The following UGT1A10 variants were observed in gnomAD, a reference collection of about 807,000 sequenced individuals.
UGT1A10 encodes the protein UDP-glucuronosyltransferase 1A10.
A neutral mutation model predicts 45.8 loss-of-function variants in UGT1A10; 49 were observed. The observed-to-expected ratio is 1.07, with a 90% CI of 0.85 to 1.36. The LOEUF is 1.36. Ranked by LOEUF, UGT1A10 falls within the 40% of genes most tolerant of loss-of-function variation. UGT1A10 has a pLI of 0.00. For missense variants in UGT1A10, 745 were observed against 668.6 expected, an observed-to-expected ratio of 1.11 and a Z score of -1.26; for synonymous variants, 284 against 249.7, an observed-to-expected ratio of 1.14 and a Z score of -1.29.
intron 1 of UGT1A10, among the ~76,000 whole-genome samples, chr2:233,740,264 G>A (rs540642726): frequency 1.3e-5 from 2 of 151,992 alleles, no homozygotes; most frequent in Admixed American, 6.5e-5. Flanking sequence ...GATTGGTGGT[G>A]ATTGAAGTTA....
intron 1 of UGT1A10, chr2:233,743,248 A>G (rs1692247141): frequency 2.3e-6 from 1 of 432,126 alleles, no homozygotes; most frequent in Non-Finnish European, 4.4e-6. Flanking sequence ...ACTTTAACTC[A>G]ACTCTCCATC....
intron 1 of UGT1A10, among the ~76,000 whole-genome samples, chr2:233,738,445 C>T (rs1322346055): frequency 2.6e-5 from 4 of 152,306 alleles, no homozygotes; most frequent in Non-Finnish European, 5.9e-5. Context: ...GCTCAGAAGA[C>T]AGGAAGATGT....
In UGT1A10 at chr2:233,769,631, G is replaced by A. The variant is rs1359038576; in HGVS notation, c.1295+1192G>A. 4 of 1,611,522 alleles carry A rather than the reference G, an allele frequency of 2.5e-6. No individual in the cohort carries two copies. Among genetic ancestry groups the A allele is most frequent in the African/African-American group, 1.3e-5 (1 of 74,932 alleles). ...ACACCAGCTTGAGCAAGGGACAACA[G>A]GGGAGGACTGATGACTGACTTCCCA... is the stretch of plus-strand genomic sequence containing the variant. On this transcript the variant is annotated intron_variant, in intron 4 of 4. Transcript: ENST00000344644. The surrounding 1 kb of genome is among the most constrained non-coding windows in gnomAD (Gnocchi z 4.4).
At chr2:233,697,382 C>T (rs576473887) in intron 1 of UGT1A10, among the ~76,000 whole-genome samples, 21 of 152,142 alleles carry the variant, frequency 1.4e-4, no homozygotes, top group African/African-American at 4.1e-4. Context: ...TCACAATAAT[C>T]GCTAATGATC....
In UGT1A10 at chr2:233,747,664, T is replaced by G. The variant is rs942017762; in HGVS notation, c.856-19370T>G. ...GCTACTTCCTTCGATGTGGTTTTAA[T>G]AGACCCAATTTACCTCTGTGGGGCA... On this transcript the variant is annotated intron_variant, in intron 1 of 4. Coordinates refer to ENST00000344644, the MANE Select transcript of UGT1A10 (RefSeq NM_019075.4). The G allele has an allele frequency of 5.0e-6, 8 of 1,600,932 alleles. No individual in the cohort carries two copies. The African/African-American group carries it at 1.1e-4, about 22-fold the overall frequency.
At chr2:233,710,721 A>T (rs1037353062) in intron 1 of UGT1A10, among the ~76,000 whole-genome samples, 4 of 152,174 alleles carry the variant, frequency 2.6e-5, no homozygotes, top group African/African-American at 9.7e-5. Flanking sequence ...TCATTTTTTA[A>T]AAAACAACGT....
intron 1 of UGT1A10, chr2:233,648,110 C>G: frequency 6.8e-7 from 1 of 1,460,680 alleles, no homozygotes; most frequent in Non-Finnish European, 9.2e-7. Context: ...GAGTTCATGG[C>G]TTTTGCCAAT....
chr2:233,743,846 C>A (rs779214397), intron 1 of UGT1A10: 9 of 1,367,112 alleles, frequency 6.6e-6, no homozygotes, highest in Non-Finnish European at 8.8e-6. Flanking sequence ...CGCCAGCTTG[C>A]GGTACGCCTT....
At chr2:233,700,149 G>A (rs142795640) in intron 1 of UGT1A10, among the ~76,000 whole-genome samples, 1 of 152,174 alleles carries the variant, frequency 6.6e-6, no homozygotes, top group Non-Finnish European at 1.5e-5. Context: ...TCTCCCTATA[G>A]GGGTCTTTAC....
intron 1 of UGT1A10, chr2:233,754,897 C>A: frequency 3.0e-6 from 4 of 1,351,174 alleles, no homozygotes; most frequent in South Asian, 1.1e-5. Flanking sequence ...TTCCTCTGAC[C>A]CCCCAAAATA....
At chr2:233,755,244 C>T (rs952358626) in intron 1 of UGT1A10, 19 of 852,102 alleles carry the variant, frequency 2.2e-5, no homozygotes, top group African/African-American at 5.1e-5. Flanking sequence ...CCGGGGTACT[C>T]CCAGCACCTC....
At chr2:233,674,130 C>G (rs1437871009) in intron 1 of UGT1A10, among the ~76,000 whole-genome samples, 11 of 152,152 alleles carry the variant, frequency 7.2e-5, no homozygotes, top group Non-Finnish European at 1.6e-4. Flanking sequence ...ATTGTTCTGG[C>G]TCCTTACAAG....
At chr2:233,739,899 T>G (rs1691241474) in intron 1 of UGT1A10, among the ~76,000 whole-genome samples, 1 of 151,876 alleles carries the variant, frequency 6.6e-6, no homozygotes, top group South Asian at 2.1e-4. Context: ...CCAAATCTCA[T>G]CTCATATTGT....
rs201536382 is a variant in UGT1A10, at chr2:233,713,021, G to A, written c.856-54013G>A. On this transcript the variant is annotated intron_variant, in intron 1 of 4. Transcript: ENST00000344644. ...CCACAGGACTCCAGGTTCCCCTGCC[G>A]CAGCTGGCCACAGGACTGCTGCTTC... 56 of 1,613,716 alleles carry A rather than the reference G, an allele frequency of 3.5e-5. No individual in the cohort carries two copies. In the African/African-American group the frequency reaches 4.5e-4, roughly 13 times the overall value.
intron 1 of UGT1A10, among the ~76,000 whole-genome samples, chr2:233,758,687 A>G (rs1165998608): frequency 6.6e-5 from 10 of 152,210 alleles, no homozygotes; most frequent in Non-Finnish European, 1.5e-4. Flanking sequence ...CCCATAGGAC[A>G]CCAAAACTCT....
Position 233,712,946 on chromosome 2 carries a change from G to C in UGT1A10, c.856-54088G>C, listed in dbSNP as rs541299523. The C allele has an allele frequency of 5.3e-5, 86 of 1,612,678 alleles. 1 individual carries two copies. In the South Asian group the frequency reaches 8.8e-4, roughly 16 times the overall value. On this transcript the variant is annotated intron_variant, in intron 1 of 4. Coordinates refer to ENST00000344644, the MANE Select transcript of UGT1A10 (RefSeq NM_019075.4). ...TAAGACGAAGGAAACAATTCTAGGA[G>C]GCACAACGTGGGGTGGACAGTCAGC...
chr2:233,720,021 T>A (rs1332952782), intron 1 of UGT1A10, among the ~76,000 whole-genome samples: 2 of 151,934 alleles, frequency 1.3e-5, no homozygotes, highest in African/African-American at 4.8e-5. Context: ...CATCCTGGGG[T>A]TTTTGCTTGC....
At chr2:233,693,014 C>A in intron 1 of UGT1A10, 1 of 1,614,140 alleles carries the variant, frequency 6.2e-7, no homozygotes, top group South Asian at 1.1e-5. Context: ...GATGGCCTGC[C>A]TCCTTCGCTC....
intron 1 of UGT1A10, among the ~76,000 whole-genome samples, chr2:233,669,747 G>A (rs1262377920): frequency 1.3e-5 from 2 of 152,228 alleles, no homozygotes; most frequent in East Asian, 3.9e-4. Context: ...ATAATGGCGT[G>A]ATCTCAGCTC....
Sources: allele counts gnomAD v4.1 joint callset (sites outside exome capture counted in the v4.1 genomes callset), GRCh38; gene constraint gnomAD v4.1.1; non-coding constraint Gnocchi (gnomAD v3.1); transcripts MANE v1.5; gene names NCBI Gene and HGNC (gene_info 2026-07-23, HGNC 2026-07-21).